CSMD1: variants seen among roughly 807,000 people sequenced by gnomAD.
CSMD1 encodes CUB and sushi domain-containing protein 1.
In CSMD1, 213 loss-of-function variants were observed where a neutral mutation model predicts 417.5. That is an observed-to-expected ratio of 0.51 (90% CI 0.46 to 0.57). The LOEUF (loss-of-function observed/expected upper bound fraction) is 0.57, where lower values mean the gene tolerates loss of function less well. Ranked by LOEUF, CSMD1 falls within the 20% of genes least tolerant of loss-of-function variation. The pLI, the probability that CSMD1 is intolerant of heterozygous loss-of-function variation, is 0.00. For missense variants in CSMD1, 6,923 were observed against 4,529.7 expected (o/e 1.53, Z -15.17); for synonymous variants, 2,862 against 1,736.8 (o/e 1.65, Z -16.11).
intron 1 of CSMD1, among the ~76,000 whole-genome samples, chr8:4,732,383 A>T (rs293889): frequency 1.4e-5 from 2 of 146,732 alleles, no homozygotes; most frequent in Non-Finnish European, 3.0e-5. Context: ...GTGTGTGTGT[A>T]GTGTTTTTCC....
intron 1 of CSMD1, among the ~76,000 whole-genome samples, chr8:4,749,922 C>A (rs1161052535): frequency 1.3e-5 from 2 of 151,864 alleles, no homozygotes; most frequent in Non-Finnish European, 2.9e-5. Context: ...TGTCAAGCGC[C>A]ACTAATAGAA....
intron 1 of CSMD1, among the ~76,000 whole-genome samples, chr8:4,722,599 C>A (rs1227294914): frequency 6.6e-6 from 1 of 152,036 alleles, no homozygotes; most frequent in Non-Finnish European, 1.5e-5. Flanking sequence ...CTTGGAGGAG[C>A]CCTGAACTAC....
intron 39 of CSMD1, among the ~76,000 whole-genome samples, chr8:3,157,507 T>C (rs1485082531): frequency 6.6e-6 from 1 of 152,220 alleles, no homozygotes; most frequent in Non-Finnish European, 1.5e-5. Flanking sequence ...TTCTGAATTT[T>C]CTTCCTGGGA....
intron 5 of CSMD1, among the ~76,000 whole-genome samples, chr8:3,822,788 T>A (rs750650019): frequency 3.3e-5 from 5 of 152,138 alleles, no homozygotes; most frequent in African/African-American, 4.8e-5. Flanking sequence ...GGATGGATAG[T>A]TGATTTGTGG....
At chr8:4,710,820 G>A (rs201528913) in intron 1 of CSMD1, among the ~76,000 whole-genome samples, 2 of 151,560 alleles carry the variant, frequency 1.3e-5, no homozygotes, top group East Asian at 3.9e-4. Context: ...GCTCTAGCCT[G>A]GGAGACAGAG....
At chr8:4,023,912 C>A (rs913316880) in intron 4 of CSMD1, among the ~76,000 whole-genome samples, 1 of 151,370 alleles carries the variant, frequency 6.6e-6, no homozygotes, top group East Asian at 1.9e-4. Flanking sequence ...CCACAGCACC[C>A]GACCACTGCT....
intron 1 of CSMD1, among the ~76,000 whole-genome samples, chr8:4,741,714 A>G (rs971367371): frequency 1.2e-4 from 18 of 152,140 alleles, no homozygotes; most frequent in African/African-American, 4.1e-4. Flanking sequence ...CCAGGTTCCC[A>G]CATCCCTGAC....
At chr8:4,112,652 C>G (rs1262006861) in intron 3 of CSMD1, among the ~76,000 whole-genome samples, 3 of 152,116 alleles carry the variant, frequency 2.0e-5, no homozygotes, top group Non-Finnish European at 4.4e-5. Flanking sequence ...GATCCTGCCC[C>G]AAATCCCACA....
chr8:4,971,811 A>T (rs1299986403), intron 1 of CSMD1, among the ~76,000 whole-genome samples: 1 of 152,078 alleles, frequency 6.6e-6, no homozygotes, highest in African/African-American at 2.4e-5. Flanking sequence ...GAAATATAGA[A>T]TTTAAAGATA....
At chr8:3,801,479 T>C (rs1456900279) in intron 5 of CSMD1, among the ~76,000 whole-genome samples, 2 of 152,130 alleles carry the variant, frequency 1.3e-5, no homozygotes, top group African/African-American at 4.8e-5. Context: ...TAATAGGCAC[T>C]GGCAAGGATG....
chr8:4,053,475 G>C (rs2554535), intron 3 of CSMD1, among the ~76,000 whole-genome samples: 127,815 of 151,386 alleles, frequency 0.84, 54,124 homozygotes, highest in Middle Eastern at 0.92. Flanking sequence ...CAAGGTTTTG[G>C]CCAACGCAAT....
chr8:3,000,108 G>A lies in CSMD1; in HGVS notation c.8053C>T (p.Pro2685Ser). Reference sequence around the variant, plus strand: ...CCACTAATGTGACCGTTCACAATCGGGTCTGGGGAACCGCAGTGGCCAGCT... The same window carrying A: ...CCACTAATGTGACCGTTCACAATCGAGTCTGGGGAACCGCAGTGGCCAGCT... ...CLAGHCGSPD[P>S]IVNGHISGDG... is the part of the protein sequence containing the mutation. Residue 2685 changes from proline to serine, a missense_variant, in exon 53 of 70, where the codon CCG becomes TCG. By Grantham distance (74) the Pro-to-Ser change is moderately conservative. Transcript: ENST00000635120. The A allele has an allele frequency of 6.4e-7, 1 of 1,557,512 alleles. No individual in the cohort carries two copies. The highest frequency in any genetic ancestry group is 8.7e-7 in the Non-Finnish European group (1 of 1,150,112).
intron 1 of CSMD1, among the ~76,000 whole-genome samples, chr8:4,873,016 G>A (rs1026721475): frequency 3.9e-5 from 6 of 152,020 alleles, no homozygotes; most frequent in South Asian, 2.1e-4. Context: ...ATATATGCAA[G>A]CATTGTGAAA....
chr8:4,937,821 G>A (rs1807724859), intron 1 of CSMD1, among the ~76,000 whole-genome samples: 1 of 152,112 alleles, frequency 6.6e-6, no homozygotes, highest in East Asian at 1.9e-4. Context: ...CAAAGTGTCA[G>A]AATTTTAATC....
At chr8:4,769,787 C>T (rs1796512781) in intron 1 of CSMD1, among the ~76,000 whole-genome samples, 1 of 152,088 alleles carries the variant, frequency 6.6e-6, no homozygotes, top group African/African-American at 2.4e-5. Flanking sequence ...ATGTGAATTG[C>T]CACGTTTAGC....
At chr8:3,527,553 A>G (rs1797804584) in intron 10 of CSMD1, among the ~76,000 whole-genome samples, 1 of 152,112 alleles carries the variant, frequency 6.6e-6, no homozygotes, top group South Asian at 2.1e-4. Flanking sequence ...GGTCACAAGA[A>G]TTGATACCTG....
chr8:3,475,483 G>C (rs1015531922), intron 11 of CSMD1, among the ~76,000 whole-genome samples: 6 of 152,168 alleles, frequency 3.9e-5, no homozygotes, highest in African/African-American at 1.2e-4. Context: ...AGCATACCAA[G>C]GGCTTAACAT....
At chr8:4,189,120 A>T (rs1197981514) in intron 3 of CSMD1, among the ~76,000 whole-genome samples, 1 of 152,274 alleles carries the variant, frequency 6.6e-6, no homozygotes, top group Non-Finnish European at 1.5e-5. Flanking sequence ...TTACTCAAAC[A>T]TGCCCTGTAA....
rs535966460 is a variant in CSMD1, at chr8:3,555,892, G to C, written c.1344+19053C>G. ...TTTAATAATACTGTTTAGGGTTCCA[G>C]AAGTCAGTCAAATGTGATATTAAAA... On this transcript the variant is annotated intron_variant, in intron 10 of 69. Transcript: ENST00000635120. Among the ~76,000 whole-genome samples, 11 of 152,218 alleles carry C rather than the reference G, an allele frequency of 7.2e-5. No individual in the cohort carries two copies. The East Asian group carries it at 2.1e-3, about 30-fold the overall frequency.
Sources: allele counts gnomAD v4.1 joint callset (sites outside exome capture counted in the v4.1 genomes callset), GRCh38; gene constraint gnomAD v4.1.1; transcripts MANE v1.5; gene names NCBI Gene and HGNC (gene_info 2026-07-23, HGNC 2026-07-21).